KHDRBS2: variants seen among roughly 807,000 people sequenced by gnomAD.
The protein encoded by KHDRBS2 is KH RNA binding domain containing, signal transduction associated 2.
Under a neutral mutation model 44.3 loss-of-function variants are expected in KHDRBS2, and 26 were observed. The observed-to-expected ratio is 0.59, with a 90% CI of 0.43 to 0.81. The LOEUF is 0.81. Among genes scored for constraint, KHDRBS2 ranks in the 40% least tolerant of loss-of-function variants. The probability of loss-of-function intolerance (pLI) is 0.00; values close to 1 mark genes in which losing one functional copy is unlikely to be tolerated. For missense variants in KHDRBS2, 476 were observed against 433.1 expected, an observed-to-expected ratio of 1.10 and a Z score of -0.88; for synonymous variants, 194 against 151.1, an observed-to-expected ratio of 1.28 and a Z score of -2.08.
At chr6:62,070,180 T>C (rs1353971314) in intron 2 of KHDRBS2, among the ~76,000 whole-genome samples, 1 of 151,750 alleles carries the variant, frequency 6.6e-6, no homozygotes, top group African/African-American at 2.4e-5. Flanking sequence ...CACAATCCAT[T>C]TTATAGGTGC....
the KHDRBS2 span, among the ~76,000 whole-genome samples, chr6:61,634,719 C>A: frequency 6.6e-6 from 1 of 152,034 alleles, no homozygotes; most frequent in Admixed American, 6.6e-5. Flanking sequence ...AAAATGGGCT[C>A]AGAGTTGATT....
At chr6:61,922,569 G>C (rs576843741) in intron 4 of KHDRBS2, among the ~76,000 whole-genome samples, 7 of 152,152 alleles carry the variant, frequency 4.6e-5, no homozygotes, top group Admixed American at 4.6e-4. Context: ...GAAAAGACTA[G>C]AAGGAACAGT....
chr6:61,798,677 A>G (rs894719918), intron 6 of KHDRBS2, among the ~76,000 whole-genome samples: 3 of 151,992 alleles, frequency 2.0e-5, no homozygotes, highest in African/African-American at 4.8e-5. Flanking sequence ...TTACACTGAT[A>G]TTTTGGGTAA....
intron 4 of KHDRBS2, among the ~76,000 whole-genome samples, chr6:61,953,391 A>C (rs1765182339): frequency 6.6e-6 from 1 of 152,098 alleles, no homozygotes. Flanking sequence ...TGGAATGGCC[A>C]GCATTTTTGA....
chr6:62,018,364 A>ATT (rs1781626678), intron 3 of KHDRBS2, among the ~76,000 whole-genome samples: 2 of 149,872 alleles, frequency 1.3e-5, no homozygotes, highest in African/African-American at 4.9e-5. Context: ...TCACCCAAAT[A>ATT]TTTTTTATCA....
intron 4 of KHDRBS2, among the ~76,000 whole-genome samples, chr6:61,905,944 G>A (rs1156698214): frequency 6.9e-6 from 1 of 145,302 alleles, no homozygotes; most frequent in Non-Finnish European, 1.5e-5. Flanking sequence ...CAACCTCTGC[G>A]GCCCGGGTTC....
chr6:61,994,583 G>A lies in KHDRBS2; in HGVS notation c.337-16371C>T, dbSNP rs536754773. Among the ~76,000 whole-genome samples, 9 of 152,190 alleles carry A rather than the reference G, an allele frequency of 5.9e-5. No individual in the cohort carries two copies. In the South Asian group the frequency reaches 1.7e-3, roughly 28 times the overall value. On this transcript the variant is annotated intron_variant, in intron 3 of 8. Transcript: ENST00000281156. ...TCTGTGTTATGAGTTTTTGGGGGTG[G>A]TCTCTGACCTGAGAGAGCTCATTGT...
intron 7 of KHDRBS2, among the ~76,000 whole-genome samples, chr6:61,723,755 G>C (rs1773091035): frequency 6.6e-6 from 1 of 151,984 alleles, no homozygotes; most frequent in South Asian, 2.1e-4. Flanking sequence ...AAATAAGATA[G>C]GCATACAAGA....
At chr6:61,770,854 C>T (rs1242596895) in intron 6 of KHDRBS2, among the ~76,000 whole-genome samples, 4 of 152,072 alleles carry the variant, frequency 2.6e-5, no homozygotes, top group South Asian at 2.1e-4. Flanking sequence ...AGATACTCCT[C>T]GAGAAGAGCA....
intron 2 of KHDRBS2, among the ~76,000 whole-genome samples, chr6:62,155,303 A>G (rs548412460): frequency 6.6e-6 from 1 of 152,358 alleles, no homozygotes; most frequent in South Asian, 2.1e-4. Context: ...CAGAAATTCT[A>G]AGGAAAATAA....
At chr6:61,877,253 A>G (rs1401108917) in intron 6 of KHDRBS2, among the ~76,000 whole-genome samples, 1 of 151,966 alleles carries the variant, frequency 6.6e-6, no homozygotes, top group Admixed American at 6.6e-5. Flanking sequence ...AAAGACCCAA[A>G]GGAACAGAAA....
At chr6:62,241,149 C>T (rs1484083952) in intron 1 of KHDRBS2, among the ~76,000 whole-genome samples, 3 of 152,054 alleles carry the variant, frequency 2.0e-5, no homozygotes, top group Non-Finnish European at 4.4e-5. Flanking sequence ...AGGGGCTCTC[C>T]TAGTGTCTCT....
At chr6:62,195,240 A>G (rs539029428) in intron 1 of KHDRBS2, among the ~76,000 whole-genome samples, 3 of 152,318 alleles carry the variant, frequency 2.0e-5, no homozygotes, top group African/African-American at 7.2e-5. Context: ...TGATGTATAG[A>G]AAAACAATTT....
intron 2 of KHDRBS2, among the ~76,000 whole-genome samples, chr6:62,099,215 T>A (rs1801315619): frequency 6.6e-6 from 1 of 152,186 alleles, no homozygotes; most frequent in Non-Finnish European, 1.5e-5. Flanking sequence ...TATATAATGA[T>A]GTCTGCACAT....
chr6:61,904,562 T>A (rs1358629531), intron 4 of KHDRBS2, among the ~76,000 whole-genome samples: 1 of 152,184 alleles, frequency 6.6e-6, no homozygotes, highest in South Asian at 2.1e-4. Flanking sequence ...ATCCTATTGC[T>A]TCCAAGGCTA....
At position 62,048,435 on chromosome 6, in the gene KHDRBS2, C is replaced by T. The variant is rs189713325; in HGVS notation, c.220-441G>A. Among the ~76,000 whole-genome samples, 159 of 151,696 alleles carry T rather than the reference C, an allele frequency of 1.0e-3. 1 individual carries two copies. The Middle Eastern group carries it at 0.031, about 29-fold the overall frequency. ...AAGTTTGCAATCAATATTTTAAAAT[C>T]GATGCTTTAAATTAGTATCTAAAAT... is the stretch of plus-strand genomic sequence containing the variant. On this transcript the variant is annotated intron_variant, in intron 2 of 8. Transcript: ENST00000281156.
chr6:61,713,151 C>T (rs959943879), intron 7 of KHDRBS2, among the ~76,000 whole-genome samples: 8 of 151,352 alleles, frequency 5.3e-5, no homozygotes, highest in Admixed American at 4.6e-4. Context: ...TTCTAAAATA[C>T]AAAAAATTCT....
chr6:61,594,000 T>C, the KHDRBS2 span, among the ~76,000 whole-genome samples: 6 of 152,052 alleles, frequency 3.9e-5, no homozygotes, highest in Admixed American at 2.0e-4. Context: ...TATCTCCAAT[T>C]GTGACTTGTA....
chr6:61,749,195 A>G (rs1233429539), intron 6 of KHDRBS2, among the ~76,000 whole-genome samples: 2 of 151,196 alleles, frequency 1.3e-5, no homozygotes, highest in Non-Finnish European at 3.0e-5. Flanking sequence ...TTGTATTTTT[A>G]GTAGAGATGG....
Sources: gnomAD v4.1 joint callset for allele counts (sites outside exome capture counted in the v4.1 genomes callset) on GRCh38, gnomAD v4.1.1 for gene constraint, MANE v1.5 for transcripts, NCBI Gene and HGNC (gene_info 2026-07-23, HGNC 2026-07-21) for gene names.